Variants in MRPL47 observed in about 807,000 individuals in gnomAD.
MRPL47 encodes mitochondrial ribosomal protein L47.
MRPL47 carries 31 observed loss-of-function variants against 34.0 expected under a neutral mutation model. The observed-to-expected ratio is 0.91, with a 90% CI of 0.68 to 1.23. The LOEUF (loss-of-function observed/expected upper bound fraction) is 1.23, where lower values mean the gene tolerates loss of function less well. Ranked by LOEUF, MRPL47 falls within the 50% of genes most tolerant of loss-of-function variation. MRPL47 has a pLI of 0.00. For synonymous variants in MRPL47, 106 were observed against 101.6 expected (o/e 1.04, Z -0.26); for missense variants, 328 against 285.8 (o/e 1.15, Z -1.07).
At position 179,588,979 on chromosome 3, in the gene MRPL47, GT is replaced by G; in HGVS notation, c.645del (p.Lys215AsnfsTer12). 6.2e-7 allele frequency: 1 copy of G among 1,611,148 alleles called. No individual in the cohort carries two copies. On this transcript the variant is annotated frameshift_variant, in exon 7 of 7. Transcript: ENST00000476781. LOFTEE classifies it high-confidence loss of function. ...TCCTTCCGTGCTTTGATGCGGGCTC[GT>G]TTCTCACGTTCCAGTCTAGAATAAA... ...VDHFLRLERE[K>X]RARIKARKEN... is the part of the protein sequence containing the mutation.
At chr3:179,592,615 TA>T (rs1718701730) in intron 6 of MRPL47, 28 bp downstream of exon 6, 3 of 1,332,080 alleles carry the variant, frequency 2.3e-6, no homozygotes, top group Non-Finnish European at 3.2e-6. Flanking sequence ...ATAAAGATAA[TA>T]TGTTTTATTA....
chr3:179,595,807 T>C (rs550405185), intron 4 of MRPL47, among the ~76,000 whole-genome samples: 1 of 152,370 alleles, frequency 6.6e-6, no homozygotes, highest in South Asian at 2.1e-4. Flanking sequence ...AGAGCCTTCT[T>C]TTCTATAAGT....
intron 6 of MRPL47, among the ~76,000 whole-genome samples, chr3:179,589,723 T>A (rs904269568): frequency 2.4e-4 from 36 of 151,990 alleles, no homozygotes; most frequent in African/African-American, 8.2e-4. Context: ...ATGGGAGAGG[T>A]CATAGAAAAT....
chr3:179,592,635 T>C lies in MRPL47; in HGVS notation c.629+9A>G, dbSNP rs1718702213. ...GATAATATGTTTTATTAAAGGTGCT[T>C]GTGCTCACCTGAGAAAATGGTCCAC... On this transcript the variant is annotated intron_variant, in intron 6 of 6. Transcript: ENST00000476781. 6.4e-7 allele frequency: 1 copy of C among 1,552,124 alleles called. No homozygotes were observed. The highest frequency in any genetic ancestry group is 1.1e-5 in the South Asian group (1 of 89,780).
At chr3:179,599,273 C>A (rs1200111298) in intron 3 of MRPL47, among the ~76,000 whole-genome samples, 1 of 152,018 alleles carries the variant, frequency 6.6e-6, no homozygotes, top group Non-Finnish European at 1.5e-5. Context: ...GTTCAATAAA[C>A]CTTCCATTTG....
At chr3:179,598,577 G>T in intron 4 of MRPL47, 98 bp downstream of exon 4, 1 of 804,850 alleles carries the variant, frequency 1.2e-6, no homozygotes, top group Non-Finnish European at 2.1e-6. Flanking sequence ...AAACGAATAA[G>T]AAAAAAAAAT....
chr3:179,592,393 A>T (rs1718694227), intron 6 of MRPL47, among the ~76,000 whole-genome samples: 1 of 150,264 alleles, frequency 6.7e-6, no homozygotes, highest in African/African-American at 2.5e-5. Flanking sequence ...ACGGGGTTTC[A>T]CCATGTTAGC....
chr3:179,589,044 T>C, intron 6 of MRPL47, 49 bp from the exon 7 acceptor site: 1 of 1,555,488 alleles, frequency 6.4e-7, no homozygotes. Context: ...TATTTCCTTG[T>C]TATTCAATAC....
At chr3:179,590,946 A>G (rs1296278507) in intron 6 of MRPL47, among the ~76,000 whole-genome samples, 1 of 152,234 alleles carries the variant, frequency 6.6e-6, no homozygotes, top group Non-Finnish European at 1.5e-5. Context: ...TGGATGTACT[A>G]CAGATAAAAT....
intron 3 of MRPL47, among the ~76,000 whole-genome samples, chr3:179,601,304 A>T (rs1431910228): frequency 6.6e-6 from 1 of 152,136 alleles, no homozygotes; most frequent in Non-Finnish European, 1.5e-5. Context: ...GATACTCAGG[A>T]GGCTGAGGTG....
intron 4 of MRPL47, among the ~76,000 whole-genome samples, chr3:179,594,239 C>T (rs543784087): frequency 6.6e-6 from 1 of 152,224 alleles, no homozygotes; most frequent in South Asian, 2.1e-4. Context: ...TAATAATTTG[C>T]TATTTTCATT....
intron 2 of MRPL47, 139 bp downstream of exon 2, chr3:179,602,513 G>C: frequency 3.6e-6 from 2 of 554,286 alleles, no homozygotes; most frequent in Non-Finnish European, 6.2e-6. Flanking sequence ...TTCTCTAGTA[G>C]ACAGTCTCAA....
rs1718576163 is a variant in MRPL47, at chr3:179,588,367, G to A, written c.*505C>T. ...TTACTGCCTATGCTTTTTACCTTAG[G>A]CTTACAGAATTAAATAAAAATTAGC... is the stretch of plus-strand genomic sequence containing the variant. On this transcript the variant is annotated 3_prime_UTR_variant, in exon 7 of 7. Transcript: ENST00000476781. 1 of 195,776 alleles carries A rather than the reference G, an allele frequency of 5.1e-6. No homozygotes were observed. The highest frequency in any genetic ancestry group is 1.0e-5 in the Non-Finnish European group (1 of 98,068). The allele number at this position is 195,776 out of a possible 1,614,324, so 12.1% of individuals were successfully genotyped here.
chr3:179,599,079 G>C (rs1718863485), intron 3 of MRPL47, among the ~76,000 whole-genome samples: 1 of 151,918 alleles, frequency 6.6e-6, no homozygotes, highest in African/African-American at 2.4e-5. Context: ...TAAGGCAGGA[G>C]GATTGCTTGA....
intron 4 of MRPL47, 131 bp downstream of exon 4, chr3:179,598,544 A>G: frequency 1.6e-6 from 1 of 627,534 alleles, no homozygotes; most frequent in South Asian, 1.8e-5. Context: ...TGATGGTTGC[A>G]CTACTCAAAT....
rs538028063 is a variant in MRPL47, at chr3:179,591,578, A to T, written c.629+1066T>A. Among the ~76,000 whole-genome samples the T allele has an allele frequency of 2.6e-5, 4 of 152,290 alleles. No individual in the cohort carries two copies. The East Asian group carries it at 7.7e-4, about 29-fold the overall frequency. On this transcript the variant is annotated intron_variant, in intron 6 of 6. Coordinates refer to ENST00000476781, the MANE Select transcript of MRPL47 (RefSeq NM_020409.3). ...AACCTAATGCAGGAAAAATGTGCTA[A>T]AGGAAATATTTGGAGATCAACATTC...
At chr3:179,598,425 C>CACA (rs1718841949) in intron 4 of MRPL47, among the ~76,000 whole-genome samples, 51 of 125,946 alleles carry the variant, frequency 4.0e-4, no homozygotes, top group East Asian at 1.8e-3. Context: ...CACACACACA[C>CACA]AAACAAAAAA....
intron 4 of MRPL47, among the ~76,000 whole-genome samples, chr3:179,594,106 A>G (rs2108380297): frequency 6.6e-6 from 1 of 152,334 alleles, no homozygotes; most frequent in South Asian, 2.1e-4. Flanking sequence ...AAAAGCTTAC[A>G]GTTTTAACTA....
chr3:179,589,928 T>C (rs539179888), intron 6 of MRPL47, among the ~76,000 whole-genome samples: 77 of 152,336 alleles, frequency 5.1e-4, no homozygotes, highest in African/African-American at 1.9e-3. Context: ...AATATTAAGA[T>C]GATGATGCTA....
Sources: allele counts gnomAD v4.1 joint callset (sites outside exome capture counted in the v4.1 genomes callset), GRCh38; gene constraint gnomAD v4.1.1; transcripts MANE v1.5; gene names NCBI Gene and HGNC (gene_info 2026-07-23, HGNC 2026-07-21).